The following CCDC77 variants were observed in gnomAD, a reference collection of about 807,000 sequenced individuals.
The protein encoded by CCDC77 is coiled-coil domain-containing protein 77.
CCDC77 carries 56 observed loss-of-function variants against 66.8 expected under a neutral mutation model. The observed-to-expected ratio is 0.84, with a 90% CI of 0.68 to 1.05. CCDC77 has a LOEUF of 1.05. CCDC77 is among the 50% of genes least tolerant of loss of function. CCDC77 has a pLI of 0.00. For missense variants in CCDC77, 570 were observed against 576.8 expected (o/e 0.99, Z 0.12); for synonymous variants, 196 against 195.2 (o/e 1.00, Z -0.03).
At chr12:431,212 C>CT (rs61068771) in intron 7 of CCDC77, among the ~76,000 whole-genome samples, 35,659 of 115,494 alleles carry the variant, frequency 0.31, 4,879 homozygotes, top group Non-Finnish European at 0.35. Context: ...TTGCTCAGTT[C>CT]TTTTTTTTTT....
At chr12:415,425 A>G (rs1312919730) in intron 4 of CCDC77, among the ~76,000 whole-genome samples, 1 of 145,170 alleles carries the variant, frequency 6.9e-6, no homozygotes, top group Non-Finnish European at 1.5e-5. Flanking sequence ...TATTATTAAC[A>G]TAATTAACAT....
intron 5 of CCDC77, among the ~76,000 whole-genome samples, chr12:425,430 G>A (rs1245928362): frequency 6.6e-6 from 1 of 151,828 alleles, no homozygotes; most frequent in Non-Finnish European, 1.5e-5. Context: ...TGCCACCACA[G>A]ACACCATAGG....
intron 1 of CCDC77, among the ~76,000 whole-genome samples, 198 bp downstream of exon 1, chr12:401,882 G>T (rs75651381): frequency 6.6e-6 from 1 of 152,210 alleles, no homozygotes; most frequent in Non-Finnish European, 1.5e-5. Flanking sequence ...GTGCTGGAGC[G>T]TTGGGACCTG....
intron 5 of CCDC77, among the ~76,000 whole-genome samples, chr12:426,030 A>G (rs560325862): frequency 1.3e-5 from 2 of 152,160 alleles, no homozygotes; most frequent in African/African-American, 4.8e-5. Context: ...CGCCCAGCTA[A>G]TTTTTGTACT....
Position 431,846 on chromosome 12 carries a change from G to T in CCDC77, c.584-20G>T. The T allele has an allele frequency of 6.6e-7, 1 of 1,511,338 alleles. No individual in the cohort carries two copies. The highest frequency in any genetic ancestry group is 1.1e-5 in the South Asian group (1 of 88,008). The allele number at this position is 1,511,338 out of a possible 1,614,324, so 93.6% of individuals were successfully genotyped here. ...AAAGCTGAGTAAAATCTTCTTGATG[G>T]ATTTTGTTTTCTATTTTAGATCCTA... is the stretch of plus-strand genomic sequence containing the variant. On this transcript the variant is annotated intron_variant, in intron 7 of 12. Coordinates refer to ENST00000239830, the MANE Select transcript of CCDC77 (RefSeq NM_032358.4).
intron 4 of CCDC77, among the ~76,000 whole-genome samples, chr12:416,711 C>A (rs1025592090): frequency 6.6e-6 from 1 of 151,470 alleles, no homozygotes; most frequent in African/African-American, 2.4e-5. Context: ...ATCTCTAGAA[C>A]GTTTTCATTT....
chr12:414,095 C>CT (rs751242537), intron 4 of CCDC77, among the ~76,000 whole-genome samples: 2,104 of 137,868 alleles, frequency 0.015, 72 homozygotes, highest in East Asian at 0.051. Flanking sequence ...TCTTGATTTC[C>CT]TTTTTTTTTT....
chr12:389,789 C>G (rs1944721119), intron 1 of CCDC77, among the ~76,000 whole-genome samples: 1 of 152,184 alleles, frequency 6.6e-6, no homozygotes, highest in Non-Finnish European at 1.5e-5. Context: ...GCGTTTATAG[C>G]AAGTAGCCTT....
At chr12:439,762 G>A (rs1405748546) in intron 10 of CCDC77, among the ~76,000 whole-genome samples, 1 of 151,090 alleles carries the variant, frequency 6.6e-6, no homozygotes, top group African/African-American at 2.4e-5. Context: ...CCCAGTGACA[G>A]AGCAAGGACT....
rs1425932850 is a variant in CCDC77, at chr12:438,351, G to T, written c.838G>T (p.Glu280Ter). ...ELTKNLHHTQ[E>*]LLYESTKDFL... ...CTTTCCTAGTCTTCACCACACCCAAGAACTGCTCTATGAGAGCACCAAAGA... is the reference window on the plus strand; with the variant it reads ...CTTTCCTAGTCTTCACCACACCCAATAACTGCTCTATGAGAGCACCAAAGA... Residue 280 changes from glutamate to a stop codon, truncating the protein, a stop_gained, in exon 10 of 13, where the codon GAA (glutamate) becomes TAA (stop). Coordinates refer to ENST00000239830, the MANE Select transcript of CCDC77 (RefSeq NM_032358.4). LOFTEE classifies it high-confidence loss of function. The T allele has an allele frequency of 1.2e-6, 2 of 1,612,778 alleles. No individual in the cohort carries two copies. The highest frequency in any genetic ancestry group is 1.7e-6 in the Non-Finnish European group (2 of 1,179,138).
chr12:441,622 TTTAG>T (rs1256178697), intron 12 of CCDC77, 148 bp from the exon 13 acceptor site: 8 of 767,810 alleles, frequency 1.0e-5, no homozygotes, highest in South Asian at 4.2e-5. Context: ...ATTTTCCTTC[TTTAG>T]TTAGCCACTG....
intron 8 of CCDC77, 52 bp from the exon 9 acceptor site, chr12:433,122 T>C: frequency 6.4e-7 from 1 of 1,557,334 alleles, no homozygotes; most frequent in Non-Finnish European, 8.7e-7. Flanking sequence ...CCTAGAGGTA[T>C]GAAGTAAGTG....
intron 7 of CCDC77, 54 bp from the exon 8 acceptor site, chr12:431,812 G>A: frequency 8.7e-7 from 1 of 1,143,992 alleles, no homozygotes; most frequent in Non-Finnish European, 1.3e-6. Context: ...TATTTCAATA[G>A]CACACAGAAA....
intron 5 of CCDC77, among the ~76,000 whole-genome samples, chr12:428,510 C>CAAAAAAAAAAAAAAAAAAAAAA (rs59414510): frequency 3.5e-5 from 2 of 57,854 alleles, no homozygotes; most frequent in African/African-American, 7.3e-5. Flanking sequence ...GACTCTGTCT[C>CAAAAAAAAAAAAAAAAAAAAAA]AAAAAAAAAA....
In CCDC77 at chr12:428,753, T is replaced by C; in HGVS notation, c.414-16T>C. 1 of 1,564,850 alleles carries C rather than the reference T, an allele frequency of 6.4e-7. No individual in the cohort carries two copies. The highest frequency in any genetic ancestry group is 8.7e-7 in the Non-Finnish European group (1 of 1,144,196). On this transcript the variant is annotated splice_polypyrimidine_tract_variant and intron_variant, in intron 5 of 12. Coordinates refer to ENST00000239830, the MANE Select transcript of CCDC77 (RefSeq NM_032358.4). ...GACATTTAATAATATGTGCTTGCTT[T>C]CCATGAGAATTGCAGGGAGCTAGAA...
rs139334337 is a variant in CCDC77 at position 423,114 on chromosome 12, C to CTTTTTTTTTTTT, written c.413+4491_413+4502dup. Among the ~76,000 whole-genome samples the CTTTTTTTTTTTT allele has an allele frequency of 1.5e-4, 11 of 74,540 alleles. 2 individuals are homozygous for CTTTTTTTTTTTT. The highest frequency in any genetic ancestry group is 2.2e-4 in the Admixed American group (1 of 4,528). The allele number at this position is 74,540 out of a possible 152,430, so 48.9% of individuals were successfully genotyped here. A position where few individuals can be genotyped will look rare whatever the true frequency, so the allele number is the denominator to read the frequency against. ...ATTTTCTTTTTTTTTTCTTTTAAGCCTTTTTTTTTTTTTTTTTTTTTTTTG... is the reference window on the plus strand; with the variant it reads ...ATTTTCTTTTTTTTTTCTTTTAAGCCTTTTTTTTTTTTTTTTTTTTTTTTTTTTTTTTTTTTG... On this transcript the variant is annotated intron_variant, in intron 5 of 12. Coordinates refer to ENST00000239830, the MANE Select transcript of CCDC77 (RefSeq NM_032358.4).
chr12:431,733 AT>A, intron 7 of CCDC77, 132 bp from the exon 8 acceptor site: 1 of 595,168 alleles, frequency 1.7e-6, no homozygotes, highest in Non-Finnish European at 3.0e-6. Context: ...GAATCCCTTC[AT>A]TAGTGAGAAC....
In CCDC77 at chr12:427,115, T is replaced by C. The variant is rs530531829; in HGVS notation, c.414-1654T>C. ...CAAAAATTAGCTGGGCATTGTGGCA[T>C]GCGCCTGTAGTCCCAGCTACTCGGG... On this transcript the variant is annotated intron_variant, in intron 5 of 12. Coordinates refer to ENST00000239830, the MANE Select transcript of CCDC77 (RefSeq NM_032358.4). Among the ~76,000 whole-genome samples, 26 of 152,028 alleles carry C rather than the reference T, an allele frequency of 1.7e-4. 1 individual carries two copies. The highest frequency in any genetic ancestry group is 5.1e-4 in the African/African-American group (21 of 41,402).
In CCDC77 at chr12:440,869, G is replaced by A. The variant is rs778168076; in HGVS notation, c.1193G>A (p.Arg398His). 1.4e-5 allele frequency: 23 copies of A among 1,613,682 alleles called. No individual in the cohort carries two copies. The highest frequency in any genetic ancestry group is 1.6e-4 in the Middle Eastern group (1 of 6,062). ...FKDRTNKMGK[R>H]LQIMTKRYEA... ...GATCGCACTAACAAGATGGGGAAGCGTTTACAGATAATGACAAAACGCTAT... is the reference window on the plus strand; with the variant it reads ...GATCGCACTAACAAGATGGGGAAGCATTTACAGATAATGACAAAACGCTAT... The change falls in exon 12 of 13, where the codon CGT becomes CAT. Residue 398 changes from arginine (R) to histidine (H), a missense_variant. Coordinates refer to ENST00000239830, the MANE Select transcript of CCDC77 (RefSeq NM_032358.4).
Sources: allele counts gnomAD v4.1 joint callset (sites outside exome capture counted in the v4.1 genomes callset), GRCh38; gene constraint gnomAD v4.1.1; transcripts MANE v1.5; gene names NCBI Gene and HGNC (gene_info 2026-07-23, HGNC 2026-07-21).